TPRG1: variants seen among roughly 807,000 people sequenced by gnomAD.
The protein encoded by TPRG1 is tumor protein p63-regulated gene 1 protein.
In TPRG1, 29 loss-of-function variants were observed where a neutral mutation model predicts 29.3. The ratio of observed to expected loss-of-function variants is 0.99; its 90% CI spans 0.74 to 1.35. TPRG1 has a LOEUF of 1.35. TPRG1 is among the 40% of genes most tolerant of loss of function. The pLI is 0.00. For missense variants in TPRG1, 327 were observed against 335.0 expected (o/e 0.98, Z 0.19); for synonymous variants, 130 against 116.8 (o/e 1.11, Z -0.73).
At chr3:189,288,805 CTG>C (rs1370097349) in intron 4 of TPRG1, among the ~76,000 whole-genome samples, 2 of 152,246 alleles carry the variant, frequency 1.3e-5, no homozygotes, top group Admixed American at 1.3e-4. Flanking sequence ...AATTACTCAG[CTG>C]TTACTGCATC....
intron 4 of TPRG1, among the ~76,000 whole-genome samples, chr3:189,029,299 A>G (rs1193312591): frequency 2.0e-5 from 3 of 152,218 alleles, no homozygotes; most frequent in South Asian, 2.1e-4. Context: ...TTATTTAGAG[A>G]TGCAATGTTT....
chr3:189,320,213 T>C (rs1190247754), intron 5 of TPRG1, among the ~76,000 whole-genome samples: 1 of 152,088 alleles, frequency 6.6e-6, no homozygotes, highest in Non-Finnish European at 1.5e-5. Context: ...GCTTCATCAA[T>C]ATTTCTTAAG....
chr3:189,141,364 T>C (rs930468997), intron 3 of TPRG1, among the ~76,000 whole-genome samples: 8 of 150,462 alleles, frequency 5.3e-5, no homozygotes, highest in African/African-American at 2.0e-4. Flanking sequence ...ATTCTAGCCA[T>C]TCATTCATTC....
exon 3 of TPRG1, chr3:189,132,679 C>T (rs1368597847): frequency 6.6e-6 from 1 of 152,196 alleles, no homozygotes; most frequent in Non-Finnish European, 1.5e-5. Context: ...GGCCACTGAA[C>T]TGTCAGGCGG....
Position 189,037,594 on chromosome 3 carries a change from A to G in TPRG1, c.-463+13648A>G, listed in dbSNP as rs570342286. Reference sequence around the variant, plus strand: ...AAGAAAACATTATGTCGCCACTACTAGTTAACCTAGTACTAGTGGGACATA... The same window carrying G: ...AAGAAAACATTATGTCGCCACTACTGGTTAACCTAGTACTAGTGGGACATA... On this transcript the variant is annotated intron_variant, in intron 4 of 10. Transcript: ENST00000433971. Among the ~76,000 whole-genome samples, 21 of 151,970 alleles carry G rather than the reference A, an allele frequency of 1.4e-4. No homozygotes were observed. The East Asian group carries it at 4.1e-3, about 29-fold the overall frequency.
At chr3:189,201,455 G>C (rs1733474633) in intron 1 of TPRG1, among the ~76,000 whole-genome samples, 1 of 152,132 alleles carries the variant, frequency 6.6e-6, no homozygotes, top group South Asian at 2.1e-4. Context: ...TAGGCAGAGA[G>C]GGCCAGCAGC....
intron 4 of TPRG1, among the ~76,000 whole-genome samples, chr3:189,277,495 A>AT (rs1358948145): frequency 1.3e-5 from 2 of 150,278 alleles, no homozygotes; most frequent in Non-Finnish European, 3.0e-5. Context: ...AAAAAGCTTC[A>AT]TTTTTTAAAA....
intron 3 of TPRG1, among the ~76,000 whole-genome samples, chr3:189,022,801 G>T (rs904001345): frequency 6.6e-6 from 1 of 152,236 alleles, no homozygotes; most frequent in Non-Finnish European, 1.5e-5. Context: ...TCAAGCCGGG[G>T]CAATGGCGGG....
intron 1 of TPRG1, among the ~76,000 whole-genome samples, chr3:189,189,386 T>A (rs9842518): frequency 0.36 from 54,037 of 151,590 alleles, 9,756 homozygotes; most frequent in South Asian, 0.52. Flanking sequence ...TAGTTGTCAA[T>A]TGGTTATATA....
intron 4 of TPRG1, among the ~76,000 whole-genome samples, chr3:189,071,324 A>G (rs73048775): frequency 0.058 from 8,834 of 152,196 alleles, 839 homozygotes; most frequent in African/African-American, 0.2. Flanking sequence ...AACAACTTTT[A>G]GTTTAGTTTA....
intron 5 of TPRG1, chr3:189,315,538 T>A (rs1244577520): frequency 2.2e-6 from 1 of 454,880 alleles, no homozygotes; most frequent in Non-Finnish European, 4.4e-6. Context: ...AACCCAGAAC[T>A]GATGAATAGC....
chr3:189,186,443 C>CA (rs1417069019), intron 1 of TPRG1, among the ~76,000 whole-genome samples: 3 of 152,088 alleles, frequency 2.0e-5, no homozygotes, highest in Non-Finnish European at 4.4e-5. Flanking sequence ...CAAAACAAAA[C>CA]AAAAAACCTA....
intron 4 of TPRG1, among the ~76,000 whole-genome samples, chr3:189,089,133 G>A (rs1184854140): frequency 1.3e-5 from 2 of 152,044 alleles, no homozygotes; most frequent in Non-Finnish European, 2.9e-5. Flanking sequence ...ACAGTCTATA[G>A]TTTGATATCA....
rs1714487731 is a variant in TPRG1 at position 189,039,407 on chromosome 3, A to G, written c.-463+15461A>G. On this transcript the variant is annotated intron_variant, in intron 4 of 10. Coordinates refer to the TPRG1 transcript ENST00000433971. ...TGAAATTCTCTGGGAAGTTAAATAC[A>G]TGAATGATGTTAGAAATTGAAAGGA... Among the ~76,000 whole-genome samples the G allele has an allele frequency of 2.6e-5, 4 of 152,154 alleles. No homozygotes were observed. The South Asian group carries it at 8.3e-4, about 32-fold the overall frequency.
chr3:189,050,575 C>T (rs1715253728), intron 4 of TPRG1, among the ~76,000 whole-genome samples: 1 of 152,160 alleles, frequency 6.6e-6, no homozygotes, highest in African/African-American at 2.4e-5. Flanking sequence ...CTCCCTAATG[C>T]ATTCTATGAA....
At chr3:189,143,157 C>T (rs749581059) in intron 3 of TPRG1, among the ~76,000 whole-genome samples, 1 of 134,358 alleles carries the variant, frequency 7.4e-6, no homozygotes, top group Non-Finnish European at 1.6e-5. Context: ...TTTTTAGGAT[C>T]ATCTTTTTTT....
chr3:189,085,364 T>C (rs1717860983), intron 4 of TPRG1, among the ~76,000 whole-genome samples: 1 of 152,192 alleles, frequency 6.6e-6, no homozygotes, highest in African/African-American at 2.4e-5. Flanking sequence ...TCTCATAGTA[T>C]TGGAAAACAA....
intron 3 of TPRG1, among the ~76,000 whole-genome samples, chr3:189,018,789 G>A (rs2152124076): frequency 6.7e-6 from 1 of 149,278 alleles, no homozygotes; most frequent in South Asian, 2.1e-4. Context: ...TAGCTTGATG[G>A]GGATGGCATT....
At chr3:189,049,501 G>A (rs989709429) in intron 4 of TPRG1, among the ~76,000 whole-genome samples, 8 of 152,156 alleles carry the variant, frequency 5.3e-5, no homozygotes, top group African/African-American at 1.4e-4. Context: ...AGACTGGTCC[G>A]AGGAGAGTCT....
Sources: gnomAD v4.1 joint callset for allele counts (sites outside exome capture counted in the v4.1 genomes callset) on GRCh38, gnomAD v4.1.1 for gene constraint, MANE v1.5 for transcripts, NCBI Gene and HGNC (gene_info 2026-07-23, HGNC 2026-07-21) for gene names.